Variants in GPHN observed in about 807,000 individuals in gnomAD.
GPHN encodes gephyrin.
A neutral mutation model predicts 95.5 loss-of-function variants in GPHN; 17 were observed. That is an observed-to-expected ratio of 0.18 (90% CI 0.12 to 0.27). The LOEUF is 0.27. Among genes scored for constraint, GPHN ranks in the 10% least tolerant of loss-of-function variants. The probability of loss-of-function intolerance (pLI) is 1.00; values close to 1 mark genes in which losing one functional copy is unlikely to be tolerated. For missense variants in GPHN, 660 were observed against 978.1 expected, an observed-to-expected ratio of 0.67 and a Z score of 4.34; for synonymous variants, 320 against 322.5, an observed-to-expected ratio of 0.99 and a Z score of 0.08.
the GPHN span, among the ~76,000 whole-genome samples, chr14:67,713,786 C>A: frequency 6.6e-6 from 1 of 152,104 alleles, no homozygotes; most frequent in Non-Finnish European, 1.5e-5. Context: ...TCTAGGGATA[C>A]GTGAGACATC....
chr14:67,378,217 G>GA, the GPHN span, among the ~76,000 whole-genome samples: 1 of 150,960 alleles, frequency 6.6e-6, no homozygotes, highest in Non-Finnish European at 1.5e-5. Flanking sequence ...TTAGAGGGGG[G>GA]AAAAAAGAGA....
the GPHN span, chr14:67,349,044 A>G: frequency 8.6e-4 from 1,394 of 1,614,010 alleles, 23 homozygotes; most frequent in East Asian, 0.029. Flanking sequence ...TACCTGCTAC[A>G]TTATCTTTCT....
At chr14:67,430,504 T>G in the GPHN span, among the ~76,000 whole-genome samples, 1 of 152,200 alleles carries the variant, frequency 6.6e-6, no homozygotes, top group Non-Finnish European at 1.5e-5. Context: ...GACTTTGCTA[T>G]AAGCCCTCCA....
intron 2 of GPHN, among the ~76,000 whole-genome samples, chr14:66,728,965 G>A (rs992778471): frequency 1.1e-4 from 17 of 152,164 alleles, no homozygotes; most frequent in Admixed American, 1.1e-3. Context: ...ATTGTGGGAG[G>A]AACCTGGTGG....
chr14:66,619,796 G>T (rs914850164), intron 1 of GPHN, among the ~76,000 whole-genome samples: 1 of 152,090 alleles, frequency 6.6e-6, no homozygotes, highest in African/African-American at 2.4e-5. Flanking sequence ...TTCATTGGTA[G>T]TATGTAGAAA....
At chr14:67,304,054 C>T in the GPHN span, 2 of 153,702 alleles carry the variant, frequency 1.3e-5, no homozygotes, top group African/African-American at 4.8e-5. Context: ...AGGTGTGAGC[C>T]TTCACATCCA....
At chr14:67,717,734 C>G in the GPHN span, 4 of 152,150 alleles carry the variant, frequency 2.6e-5, no homozygotes, top group African/African-American at 9.7e-5. Flanking sequence ...CTCCTTTACT[C>G]GGAACAGCCA....
intron 4 of GPHN, among the ~76,000 whole-genome samples, chr14:66,845,438 T>C (rs1230474250): frequency 1.3e-5 from 2 of 152,114 alleles, no homozygotes. Flanking sequence ...AGAATGAAGT[T>C]AAAATGACAC....
At chr14:67,628,355 G>A in the GPHN span, among the ~76,000 whole-genome samples, 1 of 152,218 alleles carries the variant, frequency 6.6e-6, no homozygotes, top group Non-Finnish European at 1.5e-5. Context: ...CTTCAGGATA[G>A]CTGGGATTAC....
At chr14:67,724,548 C>T in the GPHN span, 2 of 1,613,982 alleles carry the variant, frequency 1.2e-6, no homozygotes, top group Non-Finnish European at 1.7e-6. Flanking sequence ...CTGGCGCCAA[C>T]ACGGGCATTG....
At chr14:67,372,876 A>G in the GPHN span, among the ~76,000 whole-genome samples, 5 of 152,146 alleles carry the variant, frequency 3.3e-5, no homozygotes, top group African/African-American at 9.7e-5. Flanking sequence ...TAAACCATCA[A>G]TTTTTAAAGG....
intron 1 of GPHN, among the ~76,000 whole-genome samples, chr14:66,640,110 A>G (rs1439431998): frequency 6.6e-6 from 1 of 152,146 alleles, no homozygotes; most frequent in African/African-American, 2.4e-5. Context: ...TGTGTGAGAT[A>G]ATTTTTTGTG....
At chr14:67,147,814 T>A (rs1355139607) in intron 18 of GPHN, among the ~76,000 whole-genome samples, 1 of 152,208 alleles carries the variant, frequency 6.6e-6, no homozygotes, top group Admixed American at 6.5e-5. Flanking sequence ...AATAACAGTT[T>A]ACCTATAAGA....
intron 11 of GPHN, among the ~76,000 whole-genome samples, chr14:67,076,191 A>G (rs777106502): frequency 6.6e-6 from 1 of 152,212 alleles, no homozygotes; most frequent in East Asian, 1.9e-4. Context: ...ACCCTCCACC[A>G]GCAAAAACGT....
chr14:67,572,567 T>C, the GPHN span, among the ~76,000 whole-genome samples: 1 of 152,094 alleles, frequency 6.6e-6, no homozygotes, highest in South Asian at 2.1e-4. Context: ...CATATATGAC[T>C]TTGTTTTATC....
intron 3 of GPHN, among the ~76,000 whole-genome samples, chr14:66,800,287 C>G (rs1288665653): frequency 6.6e-6 from 1 of 152,120 alleles, no homozygotes; most frequent in African/African-American, 2.4e-5. Flanking sequence ...TGTGTACTTA[C>G]TATTACCAGT....
chr14:67,222,999 C>A, the GPHN span, among the ~76,000 whole-genome samples: 1 of 124,784 alleles, frequency 8.0e-6, no homozygotes, highest in East Asian at 2.3e-4. Context: ...TCCCATTGGG[C>A]TTTTTTTTTT....
chr14:66,844,578 C>A, intron 4 of GPHN, among the ~76,000 whole-genome samples: 1 of 152,016 alleles, frequency 6.6e-6, no homozygotes, highest in East Asian at 1.9e-4. Flanking sequence ...ACAAAAAAAT[C>A]TAAAGAGGTG....
At chr14:67,331,858 TTA>T in the GPHN span, among the ~76,000 whole-genome samples, 1 of 152,180 alleles carries the variant, frequency 6.6e-6, no homozygotes, top group Non-Finnish European at 1.5e-5. Flanking sequence ...GTGTGTTCAG[TTA>T]CAGTGGTGAA....
Sources: gnomAD v4.1 joint callset for allele counts (sites outside exome capture counted in the v4.1 genomes callset) on GRCh38, gnomAD v4.1.1 for gene constraint, MANE v1.5 for transcripts, NCBI Gene and HGNC (gene_info 2026-07-23, HGNC 2026-07-21) for gene names.